Variants in SEMA3A observed in about 807,000 individuals in gnomAD.
SEMA3A encodes the protein semaphorin 3A.
In SEMA3A, 29 loss-of-function variants were observed where a neutral mutation model predicts 97.9. The ratio of observed to expected loss-of-function variants is 0.30; its 90% CI spans 0.22 to 0.40. SEMA3A has a LOEUF of 0.40. Ranked by LOEUF, SEMA3A falls within the 10% of genes least tolerant of loss-of-function variation. The probability of loss-of-function intolerance (pLI) is 1.00; values close to 1 mark genes in which losing one functional copy is unlikely to be tolerated. For synonymous variants in SEMA3A, 321 were observed against 323.7 expected (o/e 0.99, Z 0.09); for missense variants, 763 against 951.3 (o/e 0.80, Z 2.60).
Position 84,034,048 on chromosome 7 carries a change from A to T in SEMA3A, c.667+12276T>A, listed in dbSNP as rs1189032939. Among the ~76,000 whole-genome samples the T allele has an allele frequency of 3.3e-5, 5 of 150,802 alleles. No homozygotes were observed. In the East Asian group the frequency reaches 9.7e-4, roughly 29 times the overall value. On this transcript the variant is annotated intron_variant, in intron 6 of 16. Coordinates refer to ENST00000265362, the MANE Select transcript of SEMA3A (RefSeq NM_006080.3). ...ATCCAGGCTGGAGTTCCCTGGTGTG[A>T]TCTCAGCTCACTGTCACTTTCGCTT... is the stretch of plus-strand genomic sequence containing the variant.
chr7:84,237,593 A>G (rs1799264982), intron 3 of SEMA3A, among the ~76,000 whole-genome samples: 1 of 151,898 alleles, frequency 6.6e-6, no homozygotes, highest in African/African-American at 2.4e-5. Context: ...CAAGATAGAT[A>G]CTATTATTGT....
chr7:84,453,816 G>T (rs1805623238), intron 1 of SEMA3A, among the ~76,000 whole-genome samples: 1 of 152,096 alleles, frequency 6.6e-6, no homozygotes, highest in African/African-American at 2.4e-5. Context: ...GACAGCTGTT[G>T]TTCAAATATC....
At chr7:83,965,870 A>G (rs1788675804) in intron 15 of SEMA3A, among the ~76,000 whole-genome samples, 1 of 149,196 alleles carries the variant, frequency 6.7e-6, no homozygotes, top group African/African-American at 2.5e-5. Context: ...TAATAGAGGC[A>G]GGGTTTCAAC....
At chr7:84,311,539 TGAAGA>T (rs1277897071) in intron 2 of SEMA3A, among the ~76,000 whole-genome samples, 1 of 151,864 alleles carries the variant, frequency 6.6e-6, no homozygotes, top group Non-Finnish European at 1.5e-5. Flanking sequence ...CCCAAGTCTA[TGAAGA>T]GAAGACTAAA....
Position 84,490,868 on chromosome 7 carries a change from T to C in SEMA3A, c.-246+1592A>G, listed in dbSNP as rs12669953. Among the ~76,000 whole-genome samples the C allele has an allele frequency of 1.0e-3, 159 of 152,290 alleles. 3 individuals carry two copies. In the East Asian group the frequency reaches 0.029, roughly 28 times the overall value. The stretch of plus-strand genomic sequence containing the variant: ...ATTCATATGTGTGAACTGTACTCTA[T>C]GGCATTCATGTGCTGGGGAAGGCAT... On this transcript the variant is annotated intron_variant, in intron 1 of 3. Transcript: ENST00000424555.
intron 1 of SEMA3A, among the ~76,000 whole-genome samples, chr7:84,484,149 T>C (rs1222524189): frequency 1.3e-5 from 2 of 152,068 alleles, no homozygotes; most frequent in Non-Finnish European, 2.9e-5. Flanking sequence ...ACAGTGTTGA[T>C]AATAATATAG....
rs181823154 is a variant in SEMA3A, at chr7:83,995,188, G to A, written c.1452+6767C>T. ...CCCTGCTTCGGCTCGCGCACGGTGCGCTCACCCACTGACCTGCACCCACTG... is the reference window on the plus strand; with the variant it reads ...CCCTGCTTCGGCTCGCGCACGGTGCACTCACCCACTGACCTGCACCCACTG... On this transcript the variant is annotated intron_variant, in intron 12 of 16. Transcript: ENST00000265362. 7.1e-3 allele frequency among the ~76,000 whole-genome samples: 1,081 copies of A among 152,112 alleles called. 5 individuals are homozygous for A. The highest frequency in any genetic ancestry group is 0.019 in the African/African-American group (774 of 41,478).
intron 3 of SEMA3A, among the ~76,000 whole-genome samples, chr7:84,113,681 A>G (rs565797352): frequency 1.3e-5 from 2 of 152,270 alleles, no homozygotes; most frequent in East Asian, 3.9e-4. Context: ...ATTTAAGTTG[A>G]TGAACACAGA....
At chr7:84,213,022 G>A (rs977401490) in intron 3 of SEMA3A, among the ~76,000 whole-genome samples, 2 of 152,076 alleles carry the variant, frequency 1.3e-5, no homozygotes, top group African/African-American at 4.8e-5. Flanking sequence ...GGAGTGCAAT[G>A]GCTCTATCTT....
At chr7:84,488,915 A>C (rs148614273) in intron 1 of SEMA3A, among the ~76,000 whole-genome samples, 1 of 152,230 alleles carries the variant, frequency 6.6e-6, no homozygotes, top group Non-Finnish European at 1.5e-5. Flanking sequence ...TCCACTAATA[A>C]CGAAGTCACC....
At chr7:84,070,529 G>T (rs1793700060) in intron 4 of SEMA3A, among the ~76,000 whole-genome samples, 1 of 151,988 alleles carries the variant, frequency 6.6e-6, no homozygotes, top group Non-Finnish European at 1.5e-5. Context: ...AAAAGAAAAA[G>T]AAAAGAAAGG....
intron 3 of SEMA3A, among the ~76,000 whole-genome samples, chr7:84,288,695 C>CA (rs1278161588): frequency 4.6e-5 from 7 of 151,560 alleles, no homozygotes; most frequent in Non-Finnish European, 7.4e-5. Context: ...AAGACTCCAT[C>CA]AAAAAAACAA....
At chr7:84,410,853 G>A (rs2116248964) in intron 1 of SEMA3A, among the ~76,000 whole-genome samples, 1 of 152,188 alleles carries the variant, frequency 6.6e-6, no homozygotes, top group East Asian at 1.9e-4. Flanking sequence ...AAAGCTATTT[G>A]ACCGTTTTCC....
chr7:84,019,039 G>A (rs1791215368), intron 6 of SEMA3A, among the ~76,000 whole-genome samples: 1 of 152,182 alleles, frequency 6.6e-6, no homozygotes, highest in African/African-American at 2.4e-5. Context: ...ACCTGGATAT[G>A]GATGGGGTAG....
chr7:84,277,115 A>C (rs946074807), intron 3 of SEMA3A, among the ~76,000 whole-genome samples: 2 of 152,072 alleles, frequency 1.3e-5, no homozygotes, highest in African/African-American at 4.8e-5. Context: ...CATCCCTCTC[A>C]TGTCTACAGT....
chr7:84,144,316 G>T (rs1401595550), intron 1 of SEMA3A, among the ~76,000 whole-genome samples: 1 of 152,022 alleles, frequency 6.6e-6, no homozygotes, highest in Non-Finnish European at 1.5e-5. Flanking sequence ...TCACTAAAAT[G>T]TAAATGAAGA....
At chr7:84,445,079 A>AT (rs564670651) in intron 1 of SEMA3A, among the ~76,000 whole-genome samples, 3 of 152,036 alleles carry the variant, frequency 2.0e-5, no homozygotes, top group African/African-American at 7.2e-5. Flanking sequence ...AATTAATATA[A>AT]TTTTTTTCTG....
At chr7:83,972,306 A>T (rs1415770220) in intron 15 of SEMA3A, among the ~76,000 whole-genome samples, 1 of 151,896 alleles carries the variant, frequency 6.6e-6, no homozygotes, top group African/African-American at 2.4e-5. Context: ...ATGTCTTGTG[A>T]TGTCATGGGT....
chr7:84,092,801 A>G (rs1794640554), intron 4 of SEMA3A, among the ~76,000 whole-genome samples: 1 of 152,088 alleles, frequency 6.6e-6, no homozygotes, highest in Admixed American at 6.6e-5. Context: ...ACCTCCAACT[A>G]TTTCTTTGCT....
Sources: gnomAD v4.1 joint callset for allele counts (sites outside exome capture counted in the v4.1 genomes callset) on GRCh38, gnomAD v4.1.1 for gene constraint, MANE v1.5 for transcripts, NCBI Gene and HGNC (gene_info 2026-07-23, HGNC 2026-07-21) for gene names.